SCAMP1: variants seen among roughly 807,000 people sequenced by gnomAD.
SCAMP1 encodes the protein secretory carrier membrane protein 1.
Under a neutral mutation model 41.8 loss-of-function variants are expected in SCAMP1, and 15 were observed. The observed-to-expected ratio is 0.36, with a 90% CI of 0.24 to 0.55. SCAMP1 has a LOEUF of 0.55. SCAMP1 is among the 20% of genes least tolerant of loss of function. SCAMP1 has a pLI of 0.86. For missense variants in SCAMP1, 341 were observed against 412.6 expected, an observed-to-expected ratio of 0.83 and a Z score of 1.50; for synonymous variants, 135 against 136.8, an observed-to-expected ratio of 0.99 and a Z score of 0.09.
At chr5:78,428,548 T>G (rs912554350) in intron 6 of SCAMP1, among the ~76,000 whole-genome samples, 5 of 152,188 alleles carry the variant, frequency 3.3e-5, no homozygotes, top group Admixed American at 3.3e-4. Flanking sequence ...TTAGTCAGTC[T>G]TTCGACTTTC....
chr5:78,451,737 C>T (rs1753236288), intron 7 of SCAMP1, among the ~76,000 whole-genome samples: 1 of 152,212 alleles, frequency 6.6e-6, no homozygotes, highest in South Asian at 2.1e-4. Context: ...AGCTCACTGC[C>T]TCCACCTCCT....
chr5:78,414,349 C>A (rs1752156709), intron 2 of SCAMP1, among the ~76,000 whole-genome samples: 1 of 151,966 alleles, frequency 6.6e-6, no homozygotes, highest in East Asian at 1.9e-4. Context: ...GTGGTGCGAT[C>A]TTAGCTCACT....
intron 6 of SCAMP1, among the ~76,000 whole-genome samples, chr5:78,428,776 A>G (rs1752528019): frequency 6.6e-6 from 1 of 152,038 alleles, no homozygotes; most frequent in Admixed American, 6.6e-5. Context: ...TTATATTTTT[A>G]TAATTTCTCT....
intron 8 of SCAMP1, among the ~76,000 whole-genome samples, chr5:78,469,915 AAAAAAAAAAAAAAAAAACAAC>A (rs762626197): frequency 0.045 from 2,134 of 47,186 alleles, 181 homozygotes; most frequent in Middle Eastern, 0.074. Context: ...AAAAAAAACA[AAAAAAAAAAAAAAAAAACAAC>A]AACACAGCCC....
intron 6 of SCAMP1, among the ~76,000 whole-genome samples, chr5:78,440,965 G>A (rs1163553012): frequency 6.6e-6 from 1 of 152,202 alleles, no homozygotes; most frequent in Non-Finnish European, 1.5e-5. Flanking sequence ...AGACTGCTGT[G>A]CTAGTAGTGA....
Position 78,436,239 on chromosome 5 carries a change from T to A in SCAMP1, c.633-13694T>A, listed in dbSNP as rs372243425. ...GCTCTTTAGTTTAATTAGATCCCAT[T>A]TGTCTATTTTGGCTTTTGTTGCTAC... On this transcript the variant is annotated intron_variant, in intron 6 of 8. Coordinates refer to ENST00000621999, the MANE Select transcript of SCAMP1 (RefSeq NM_004866.6). 2.0e-5 allele frequency among the ~76,000 whole-genome samples: 3 copies of A among 152,294 alleles called. No homozygotes were observed. The East Asian group carries it at 5.8e-4, about 29-fold the overall frequency.
intron 1 of SCAMP1, among the ~76,000 whole-genome samples, chr5:78,381,269 T>C (rs1463574313): frequency 2.6e-5 from 4 of 152,104 alleles, no homozygotes; most frequent in Admixed American, 2.6e-4. Context: ...TGAGGTAATA[T>C]TTAGACTGAG....
intron 6 of SCAMP1, among the ~76,000 whole-genome samples, chr5:78,423,165 T>C (rs1180892812): frequency 1.3e-5 from 2 of 151,924 alleles, no homozygotes; most frequent in East Asian, 3.9e-4. Context: ...AGAAGTAAAT[T>C]ATTACTTAGA....
chr5:78,466,821 A>C (rs1484028860), intron 8 of SCAMP1, among the ~76,000 whole-genome samples: 2 of 152,172 alleles, frequency 1.3e-5, no homozygotes. Context: ...ACTTGGAAAC[A>C]CTTAGGAGAC....
intron 2 of SCAMP1, among the ~76,000 whole-genome samples, chr5:78,400,765 C>T (rs1751777682): frequency 1.3e-5 from 2 of 152,104 alleles, no homozygotes; most frequent in South Asian, 2.1e-4. Flanking sequence ...ATTGAATTTT[C>T]CATGTTGATG....
intron 7 of SCAMP1, among the ~76,000 whole-genome samples, chr5:78,453,958 G>T (rs1452067446): frequency 1.3e-5 from 2 of 152,096 alleles, no homozygotes; most frequent in African/African-American, 4.8e-5. Flanking sequence ...ATTGTGAATG[G>T]GAGTTCACTC....
chr5:78,382,757 T>A (rs1341243042), intron 1 of SCAMP1, among the ~76,000 whole-genome samples: 1 of 150,412 alleles, frequency 6.6e-6, no homozygotes, highest in Admixed American at 6.7e-5. Flanking sequence ...TTCCTTTTCA[T>A]GGCTGAGTAG....
At chr5:78,430,110 A>ATAAATACTGTATTTG (rs1752570397) in intron 6 of SCAMP1, among the ~76,000 whole-genome samples, 1 of 37,918 alleles carries the variant, frequency 2.6e-5, no homozygotes, top group African/African-American at 8.5e-5. Context: ...TACAGTATTT[A>ATAAATACTGTATTTG]TTTATAAATA....
At chr5:78,403,452 C>T (rs1751847901) in intron 2 of SCAMP1, among the ~76,000 whole-genome samples, 1 of 150,904 alleles carries the variant, frequency 6.6e-6, no homozygotes, top group South Asian at 2.1e-4. Context: ...TAATTGAATA[C>T]ATTGTTGCTG....
At chr5:78,389,464 C>T (rs559596401) in intron 2 of SCAMP1, among the ~76,000 whole-genome samples, 1 of 152,102 alleles carries the variant, frequency 6.6e-6, no homozygotes, top group East Asian at 1.9e-4. Flanking sequence ...GAGACAGTGT[C>T]TTCTATGTTC....
In SCAMP1 at chr5:78,421,852, G is replaced by T. The variant is rs1302682989; in HGVS notation, c.524G>T (p.Cys175Phe). Residue 175 changes from cysteine (C) to phenylalanine (F), a missense_variant, in exon 6 of 9, where the codon TGT becomes TTT. By Grantham distance (205) the Cys-to-Phe change is radical. Transcript: ENST00000621999. Reference protein sequence around the residue: ...LNIFGCLAWFCVDSARAVDFG... With the variant: ...LNIFGCLAWFFVDSARAVDFG... ...ATCTTCGGATGCTTGGCTTGGTTTT[G>T]TGTTGATTCTGCAAGAGCGGTTGAT... 1 of 1,613,826 alleles carries T rather than the reference G, an allele frequency of 6.2e-7. No homozygotes were observed. Among genetic ancestry groups the T allele is most frequent in the Non-Finnish European group, 8.5e-7 (1 of 1,179,814 alleles).
At chr5:78,458,691 C>G (rs1753500151) in intron 7 of SCAMP1, among the ~76,000 whole-genome samples, 1 of 152,112 alleles carries the variant, frequency 6.6e-6, no homozygotes, top group African/African-American at 2.4e-5. Flanking sequence ...ACCAGTCTGA[C>G]CAACATGGTG....
At chr5:78,437,867 TATTA>T (rs1464077701) in intron 6 of SCAMP1, among the ~76,000 whole-genome samples, 1 of 152,236 alleles carries the variant, frequency 6.6e-6, no homozygotes, top group Non-Finnish European at 1.5e-5. Context: ...GTTGGTAGGC[TATTA>T]ATTATTGCCT....
chr5:78,449,877 CCTT>C, intron 6 of SCAMP1, 53 bp from the exon 7 acceptor site: 1 of 834,024 alleles, frequency 1.2e-6, no homozygotes, highest in African/African-American at 1.8e-5. Flanking sequence ...ACGTTTTTCC[CCTT>C]CTTTCTCTCC....
Sources: allele counts gnomAD v4.1 joint callset (sites outside exome capture counted in the v4.1 genomes callset), GRCh38; gene constraint gnomAD v4.1.1; transcripts MANE v1.5; gene names NCBI Gene and HGNC (gene_info 2026-07-23, HGNC 2026-07-21).